The following SLC41A2 variants were observed in gnomAD, a reference collection of about 807,000 sequenced individuals.
The protein encoded by SLC41A2 is SLC41A1-like 1.
SLC41A2 carries 32 observed loss-of-function variants against 58.3 expected under a neutral mutation model. The observed-to-expected ratio is 0.55, with a 90% CI of 0.41 to 0.74. The LOEUF (loss-of-function observed/expected upper bound fraction) is 0.74, where lower values mean the gene tolerates loss of function less well. Ranked by LOEUF, SLC41A2 falls within the 30% of genes least tolerant of loss-of-function variation. SLC41A2 has a pLI of 0.00. For missense variants in SLC41A2, 514 were observed against 680.6 expected (o/e 0.76, Z 2.72); for synonymous variants, 190 against 235.0 (o/e 0.81, Z 1.75).
intron 2 of SLC41A2, among the ~76,000 whole-genome samples, chr12:104,912,229 T>C (rs576765149): frequency 2.0e-5 from 3 of 152,302 alleles, no homozygotes; most frequent in Admixed American, 6.5e-5. Flanking sequence ...CGTTAGAATT[T>C]AGTGATACAC....
At chr12:104,881,580 T>C (rs1017340703) in intron 6 of SLC41A2, among the ~76,000 whole-genome samples, 2 of 152,198 alleles carry the variant, frequency 1.3e-5, no homozygotes, top group African/African-American at 4.8e-5. Context: ...ATTTACCCAG[T>C]AGTCATTCAG....
At chr12:104,833,856 C>A (rs1369761134) in intron 10 of SLC41A2, among the ~76,000 whole-genome samples, 1 of 151,700 alleles carries the variant, frequency 6.6e-6, no homozygotes, top group Admixed American at 6.6e-5. Flanking sequence ...GGCAAATTTC[C>A]TGAGTAATTA....
intron 4 of SLC41A2, among the ~76,000 whole-genome samples, chr12:104,892,738 A>G (rs2045077871): frequency 6.6e-6 from 1 of 152,240 alleles, no homozygotes; most frequent in East Asian, 1.9e-4. Flanking sequence ...AAAAGTGCCA[A>G]GAATATACAC....
In SLC41A2 at chr12:104,802,357, T is replaced by C. The variant is rs7132439; in HGVS notation, c.*2795A>G. ...ACTGATAATAGATTATTGTTGTGGG[T>C]AAATGAGTCATTTTATCTGTTGCAT... On this transcript the variant is annotated 3_prime_UTR_variant, in exon 11 of 11. Transcript: ENST00000258538. Among the ~76,000 whole-genome samples the C allele has an allele frequency of 9.5e-3, 1,450 of 152,334 alleles. 28 individuals carry two copies. Among genetic ancestry groups the C allele is most frequent in the African/African-American group, 0.033 (1,365 of 41,588 alleles).
rs77935345 is a variant in SLC41A2, at chr12:104,921,503, G to GA, written c.555+6469dup. Reference sequence around the variant, plus strand: ...CAAAATGCTGAAAGAAATTTGAAAAGAAAAAAAAAAAAGCTACCATCCAAG... The same window carrying GA: ...CAAAATGCTGAAAGAAATTTGAAAAGAAAAAAAAAAAAAGCTACCATCCAAG... On this transcript the variant is annotated intron_variant, in intron 2 of 10. Coordinates refer to ENST00000258538, the MANE Select transcript of SLC41A2 (RefSeq NM_001352171.3). Among the ~76,000 whole-genome samples the GA allele has an allele frequency of 2.4e-3, 315 of 133,952 alleles. 3 individuals carry two copies. The highest frequency in any genetic ancestry group is 6.7e-3 in the African/African-American group (245 of 36,536). The allele number at this position is 133,952 out of a possible 152,430, so 87.9% of individuals were successfully genotyped here.
chr12:104,814,077 CAT>C (rs1348076878), intron 10 of SLC41A2, among the ~76,000 whole-genome samples: 1 of 152,066 alleles, frequency 6.6e-6, no homozygotes, highest in African/African-American at 2.4e-5. Context: ...TCAGAATAAA[CAT>C]ATTTCTTACA....
chr12:104,907,711 G>A (rs1304682147), intron 3 of SLC41A2, among the ~76,000 whole-genome samples: 1 of 152,140 alleles, frequency 6.6e-6, no homozygotes, highest in East Asian at 1.9e-4. Flanking sequence ...ATGTAGAGCT[G>A]TGTGCCCTCA....
intron 1 of SLC41A2, among the ~76,000 whole-genome samples, chr12:104,943,680 C>G (rs766031292): frequency 1.2e-4 from 19 of 152,298 alleles, no homozygotes; most frequent in Admixed American, 3.9e-4. Context: ...CGGCCAACCT[C>G]TCCAACAGTA....
intron 6 of SLC41A2, among the ~76,000 whole-genome samples, chr12:104,873,748 C>T (rs778370832): frequency 3.9e-5 from 6 of 152,052 alleles, no homozygotes; most frequent in Non-Finnish European, 7.4e-5. Flanking sequence ...TATCTCATTT[C>T]AGTTTTGGTT....
At chr12:104,930,880 A>G (rs192246541) in intron 1 of SLC41A2, among the ~76,000 whole-genome samples, 28 of 152,396 alleles carry the variant, frequency 1.8e-4, no homozygotes, top group Admixed American at 1.6e-3. Flanking sequence ...CACATAGTCA[A>G]CACTGAACTG....
At chr12:104,827,764 T>G (rs1367718229) in intron 10 of SLC41A2, among the ~76,000 whole-genome samples, 2 of 152,174 alleles carry the variant, frequency 1.3e-5, no homozygotes, top group East Asian at 3.9e-4. Context: ...GACTGCTGTT[T>G]TGCCCAAAAC....
chr12:104,956,609 G>A (rs1303175765), intron 1 of SLC41A2, among the ~76,000 whole-genome samples: 1 of 152,164 alleles, frequency 6.6e-6, no homozygotes, highest in Non-Finnish European at 1.5e-5. Flanking sequence ...AACCCCGGAG[G>A]TGGAGGTTGC....
At chr12:104,830,045 C>T (rs1438737752) in intron 10 of SLC41A2, among the ~76,000 whole-genome samples, 1 of 152,194 alleles carries the variant, frequency 6.6e-6, no homozygotes, top group Non-Finnish European at 1.5e-5. Context: ...GGCCTCTACC[C>T]TACAGTACAG....
At chr12:104,867,793 GT>G (rs1158615668) in intron 6 of SLC41A2, among the ~76,000 whole-genome samples, 1 of 141,894 alleles carries the variant, frequency 7.0e-6, no homozygotes, top group African/African-American at 2.6e-5. Flanking sequence ...ATTTTTTGAT[GT>G]TACAGAATGC....
intron 6 of SLC41A2, among the ~76,000 whole-genome samples, chr12:104,885,496 AG>A (rs2044610894): frequency 6.6e-6 from 1 of 152,210 alleles, no homozygotes; most frequent in South Asian, 2.1e-4. Flanking sequence ...AACATATGTG[AG>A]GATTTGTGAA....
intron 1 of SLC41A2, among the ~76,000 whole-genome samples, chr12:104,941,489 T>C (rs1470490307): frequency 6.6e-6 from 1 of 152,112 alleles, no homozygotes; most frequent in Non-Finnish European, 1.5e-5. Flanking sequence ...AACCCTCAAC[T>C]CTCGCCTCCC....
At chr12:104,937,068 G>A (rs1464923839) in intron 1 of SLC41A2, among the ~76,000 whole-genome samples, 1 of 152,170 alleles carries the variant, frequency 6.6e-6, no homozygotes, top group African/African-American at 2.4e-5. Context: ...CTATGATTGT[G>A]CACTGCACCC....
rs2040771809 is a variant in SLC41A2, at chr12:104,803,567, A to G, written c.*1585T>C. 6.6e-6 allele frequency: 1 copy of G among 152,214 alleles called. No homozygotes were observed. Among genetic ancestry groups the G allele is most frequent in the Non-Finnish European group, 1.5e-5 (1 of 68,032 alleles). The allele number at this position is 152,214 out of a possible 1,614,324, so 9.4% of individuals were successfully genotyped here. ...ACACAAAGTTACAACTTAAATCATGATGATCAAAGTTAATGTGCATTTTGA... is the reference window on the plus strand; with the variant it reads ...ACACAAAGTTACAACTTAAATCATGGTGATCAAAGTTAATGTGCATTTTGA... On this transcript the variant is annotated 3_prime_UTR_variant, in exon 11 of 11. Coordinates refer to ENST00000258538, the MANE Select transcript of SLC41A2 (RefSeq NM_001352171.3).
intron 3 of SLC41A2, among the ~76,000 whole-genome samples, chr12:104,904,509 C>A (rs2045717226): frequency 6.6e-6 from 1 of 152,182 alleles, no homozygotes; most frequent in Non-Finnish European, 1.5e-5. Context: ...TTCACTAATT[C>A]TCAAAATCTC....
Sources: allele counts gnomAD v4.1 joint callset (sites outside exome capture counted in the v4.1 genomes callset), GRCh38; gene constraint gnomAD v4.1.1; transcripts MANE v1.5; gene names NCBI Gene and HGNC (gene_info 2026-07-23, HGNC 2026-07-21).